Variants in FAM20B observed in about 807,000 individuals in gnomAD.
The protein encoded by FAM20B is glycosaminoglycan xylosylkinase.
In FAM20B, 23 loss-of-function variants were observed where a neutral mutation model predicts 43.8. That is an observed-to-expected ratio of 0.53 (90% CI 0.38 to 0.74). The LOEUF is 0.74. Ranked by LOEUF, FAM20B falls within the 30% of genes least tolerant of loss-of-function variation. FAM20B has a pLI of 0.00. For synonymous variants in FAM20B, 178 were observed against 192.4 expected, an observed-to-expected ratio of 0.93 and a Z score of 0.62; for missense variants, 440 against 510.5, an observed-to-expected ratio of 0.86 and a Z score of 1.33.
chr1:179,066,322 T>C (rs1263559760), intron 6 of FAM20B, among the ~76,000 whole-genome samples: 1 of 152,226 alleles, frequency 6.6e-6, no homozygotes, highest in African/African-American at 2.4e-5. Flanking sequence ...AATTTGAATC[T>C]GTACTTATAC....
intron 4 of FAM20B, among the ~76,000 whole-genome samples, 187 bp from the exon 5 acceptor site, chr1:179,063,740 A>G (rs1221638787): frequency 6.6e-6 from 1 of 152,216 alleles, no homozygotes. Context: ...GTACTTTTTA[A>G]ATTTTTTTTA....
chr1:179,064,142 A>C (rs1489809289), intron 5 of FAM20B, 44 bp downstream of exon 5: 48 of 1,536,952 alleles, frequency 3.1e-5, no homozygotes, highest in Non-Finnish European at 4.2e-5. Flanking sequence ...CCCTGTGCCT[A>C]GCCAGGTGCC....
upstream of FAM20B, among the ~76,000 whole-genome samples, chr1:179,021,185 C>T (rs1039460920): frequency 2.6e-5 from 4 of 152,214 alleles, no homozygotes; most frequent in Non-Finnish European, 5.9e-5. Context: ...ACCACATTAT[C>T]CATCGATGGT....
upstream of FAM20B, among the ~76,000 whole-genome samples, chr1:179,023,416 A>G (rs979135136): frequency 6.6e-6 from 1 of 152,224 alleles, no homozygotes; most frequent in African/African-American, 2.4e-5. Flanking sequence ...AGACAACGAC[A>G]TGTAGAACCA....
chr1:179,048,090 AT>A (rs568290496), intron 2 of FAM20B, among the ~76,000 whole-genome samples: 44 of 149,672 alleles, frequency 2.9e-4, no homozygotes, highest in Non-Finnish European at 3.7e-4. Flanking sequence ...AGTAAAGGTG[AT>A]TTTTTTTTTA....
rs1351553971 is a variant in FAM20B, at chr1:179,075,846, C to T, written c.*3702C>T. The stretch of plus-strand genomic sequence containing the variant: ...TCTTCAGCCTTTCTTCTCGATCACC[C>T]GTGTATTCTTTGACCAGTAAATGAC... On this transcript the variant is annotated 3_prime_UTR_variant, in exon 8 of 8. Transcript: ENST00000263733. 6.6e-6 allele frequency: 1 copy of T among 151,944 alleles called. No individual in the cohort carries two copies. The highest frequency in any genetic ancestry group is 2.4e-5 in the African/African-American group (1 of 41,344). 9.4% of individuals were successfully genotyped at this position (151,944 alleles called of 1,614,324 possible). A position where few individuals can be genotyped will look rare whatever the true frequency, so the allele number is the denominator to read the frequency against.
chr1:179,039,382 G>A (rs56209812), intron 1 of FAM20B, among the ~76,000 whole-genome samples: 20,592 of 152,206 alleles, frequency 0.14, 1,673 homozygotes, highest in East Asian at 0.29. Flanking sequence ...ATGCTAGAAG[G>A]AGCAGTTCTT....
In FAM20B at chr1:179,076,055, AAG is replaced by A. The variant is rs1652115990; in HGVS notation, c.*3913_*3914del. On this transcript the variant is annotated 3_prime_UTR_variant, in exon 8 of 8. Transcript: ENST00000263733. ...ACACTGACTTTCTGAAGGATTCAGA[AAG>A]AACCTTAGTGAAAGGTTCTCAGTCT... is the stretch of plus-strand genomic sequence containing the variant. 6.6e-6 allele frequency: 1 copy of A among 152,240 alleles called. No individual in the cohort carries two copies. Among genetic ancestry groups the A allele is most frequent in the Non-Finnish European group, 1.5e-5 (1 of 68,040 alleles). 9.4% of individuals were successfully genotyped at this position (152,240 alleles called of 1,614,324 possible).
chr1:179,068,422 AG>A (rs1651778827), intron 7 of FAM20B, among the ~76,000 whole-genome samples: 1 of 152,096 alleles, frequency 6.6e-6, no homozygotes, highest in East Asian at 1.9e-4. Context: ...TGATAAACAG[AG>A]GTGTTTAATA....
At chr1:179,050,103 CTCA>C (rs1650942006) in intron 2 of FAM20B, among the ~76,000 whole-genome samples, 173 bp from the exon 3 acceptor site, 3 of 152,056 alleles carry the variant, frequency 2.0e-5, no homozygotes, top group Admixed American at 2.0e-4. Flanking sequence ...CCTTCTCTAC[CTCA>C]TCTTCATTCC....
chr1:179,055,353 G>T (rs997057115), intron 4 of FAM20B, among the ~76,000 whole-genome samples: 2 of 152,180 alleles, frequency 1.3e-5, no homozygotes, highest in East Asian at 3.8e-4. Context: ...CTCTGCATTA[G>T]GGCATGACTG....
chr1:179,030,605 C>A (rs757384240), intron 1 of FAM20B, among the ~76,000 whole-genome samples: 29 of 152,166 alleles, frequency 1.9e-4, no homozygotes, highest in Non-Finnish European at 4.0e-4. Flanking sequence ...ATTTCTGCAT[C>A]TTTTATATAC....
At chr1:179,069,343 G>A (rs970422055) in intron 7 of FAM20B, among the ~76,000 whole-genome samples, 39 of 152,112 alleles carry the variant, frequency 2.6e-4, no homozygotes, top group South Asian at 8.3e-4. Context: ...CCCATCCGTC[G>A]TAGCAGAGCA....
chr1:179,057,267 C>T (rs1651260207), intron 4 of FAM20B, among the ~76,000 whole-genome samples: 1 of 152,088 alleles, frequency 6.6e-6, no homozygotes, highest in African/African-American at 2.4e-5. Context: ...GTTGCTTGAA[C>T]CCAGGAGACA....
chr1:179,019,464 T>C, the FAM20B span, among the ~76,000 whole-genome samples: 1 of 145,542 alleles, frequency 6.9e-6, no homozygotes, highest in Non-Finnish European at 1.5e-5. Flanking sequence ...TGTTTGTTTG[T>C]TTCTTTTTTT....
intron 1 of FAM20B, among the ~76,000 whole-genome samples, chr1:179,028,895 CAAAAG>C (rs1302787137): frequency 1.3e-5 from 2 of 150,844 alleles, no homozygotes; most frequent in African/African-American, 4.9e-5. Context: ...CTCTTTTTGT[CAAAAG>C]AAAAAAAAAG....
chr1:179,060,222 T>A (rs2102517041), intron 4 of FAM20B, among the ~76,000 whole-genome samples: 1 of 152,236 alleles, frequency 6.6e-6, no homozygotes, highest in East Asian at 1.9e-4. Context: ...GCTTCATTGT[T>A]TTGTTGTTTC....
chr1:179,064,351 C>G lies in FAM20B; in HGVS notation c.793C>G (p.Pro265Ala). ...CTGTGATGCTGTGAAGAAAACGTCC[C>G]CTTATGACTCTGGCCCGCGCCTCTT... ...SYCDAVKKTSPYDSGPRLLDI... is the reference protein window; with the variant it reads ...SYCDAVKKTSAYDSGPRLLDI... The change falls in exon 6 of 8, where the codon CCT (proline) becomes GCT (alanine). Residue 265 changes from proline (P) to alanine (A), a missense_variant. By Grantham distance (27) the Pro-to-Ala change is conservative. Coordinates refer to ENST00000263733, the MANE Select transcript of FAM20B (RefSeq NM_014864.4). The G allele has an allele frequency of 6.2e-7, 1 of 1,613,982 alleles. No homozygotes were observed. Among genetic ancestry groups the G allele is most frequent in the South Asian group, 1.1e-5 (1 of 91,062 alleles).
intron 1 of FAM20B, chr1:179,035,566 C>T (rs977581892): frequency 2.8e-5 from 18 of 635,800 alleles, no homozygotes; most frequent in African/African-American, 1.1e-4. Context: ...TCCTTAGGCA[C>T]GCATCAGGCA....
Sources: gnomAD v4.1 joint callset for allele counts (sites outside exome capture counted in the v4.1 genomes callset) on GRCh38, gnomAD v4.1.1 for gene constraint, MANE v1.5 for transcripts, NCBI Gene and HGNC (gene_info 2026-07-23, HGNC 2026-07-21) for gene names.